Variants in SEMA3D observed in about 807,000 individuals in gnomAD.
The protein encoded by SEMA3D is semaphorin 3D.
SEMA3D carries 84 observed loss-of-function variants against 100.1 expected under a neutral mutation model. The observed-to-expected ratio is 0.84, with a 90% confidence interval of 0.70 to 1.01. SEMA3D has a LOEUF of 1.01. Ranked by LOEUF, SEMA3D falls within the 50% of genes least tolerant of loss-of-function variation. SEMA3D has a pLI of 0.00. For synonymous variants in SEMA3D, 312 were observed against 320.7 expected (o/e 0.97, Z 0.29); for missense variants, 875 against 934.1 (o/e 0.94, Z 0.82).
intron 3 of SEMA3D, among the ~76,000 whole-genome samples, chr7:85,115,186 T>C (rs1483480213): frequency 6.6e-6 from 1 of 152,202 alleles, no homozygotes; most frequent in Non-Finnish European, 1.5e-5. Context: ...GAAATACTTA[T>C]GTCTACAGTG....
chr7:85,012,790 A>G lies in SEMA3D; in HGVS notation c.1760T>C (p.Ile587Thr). The G allele has an allele frequency of 6.2e-7, 1 of 1,609,710 alleles. No individual in the cohort carries two copies. Among genetic ancestry groups the G allele is most frequent in the Non-Finnish European group, 8.5e-7 (1 of 1,176,856 alleles). ...ATCAGAGCTGTACTTACTGTCTTCG[A>G]TGTCCCAGCACTGGGTGATTGGGTC... is the stretch of plus-strand genomic sequence containing the variant. ...YGDPITQCWD[I>T]EDSISHETAD... The change falls in exon 17 of 19, where the codon ATC (isoleucine) becomes ACC (threonine). Residue 587 changes from isoleucine to threonine, a missense_variant. Physicochemically the swap from Ile to Thr is moderately conservative, Grantham distance 89 (BLOSUM62 -1). Coordinates refer to ENST00000284136, the MANE Select transcript of SEMA3D (RefSeq NM_001384900.1).
intron 6 of SEMA3D, among the ~76,000 whole-genome samples, chr7:85,072,600 A>G (rs763691261): frequency 1.3e-5 from 2 of 152,214 alleles, no homozygotes; most frequent in Non-Finnish European, 2.9e-5. Flanking sequence ...GCTAAAAACA[A>G]CTTTTAATAG....
intron 9 of SEMA3D, among the ~76,000 whole-genome samples, chr7:85,054,268 T>C (rs1028773412): frequency 6.6e-6 from 1 of 152,054 alleles, no homozygotes; most frequent in African/African-American, 2.4e-5. Context: ...AAGTGACTCT[T>C]GAAATTCATT....
chr7:84,997,605 T>C lies in SEMA3D; in HGVS notation c.*1835A>G, dbSNP rs1344178143. 6.6e-6 allele frequency: 1 copy of C among 152,254 alleles called. No individual in the cohort carries two copies. Among genetic ancestry groups the C allele is most frequent in the African/African-American group, 2.4e-5 (1 of 41,428 alleles). The allele number at this position is 152,254 out of a possible 1,614,324, so 9.4% of individuals were successfully genotyped here. On this transcript the variant is annotated 3_prime_UTR_variant, in exon 19 of 19. Transcript: ENST00000284136. ...ATATATCAGTTTGACTACTTTGAGA[T>C]AGGTAAGCAATGCAAATAAAATAAA...
chr7:85,210,916 T>C, the SEMA3D span, among the ~76,000 whole-genome samples: 3 of 152,054 alleles, frequency 2.0e-5, no homozygotes, highest in Admixed American at 2.0e-4. Context: ...TATTCATGTA[T>C]TAATGTATCA....
At position 85,089,933 on chromosome 7, in the gene SEMA3D, C is replaced by A. The variant is rs375476148; in HGVS notation, c.312+7872G>T. On this transcript the variant is annotated intron_variant, in intron 4 of 18. Transcript: ENST00000284136. Reference sequence around the variant, plus strand: ...AAAAAACACCTACAAATATGTATTGCATGAAAGAGAGAGAAATGCTAATAT... The same window carrying A: ...AAAAAACACCTACAAATATGTATTGAATGAAAGAGAGAGAAATGCTAATAT... Among the ~76,000 whole-genome samples the A allele has an allele frequency of 5.9e-5, 9 of 152,114 alleles. No individual in the cohort carries two copies. The South Asian group carries it at 8.3e-4, about 14-fold the overall frequency.
Position 84,999,767 on chromosome 7 carries a change from C to T in SEMA3D, c.2007G>A (p.Glu669=), listed in dbSNP as rs1789605005. Reference sequence around the variant, plus strand: ...TCACTATGGTGTGGATGAAAGTGTGCTCCTGGGCTTTGCAGTAATACATCC... The same window carrying T: ...TCACTATGGTGTGGATGAAAGTGTGTTCCTGGGCTTTGCAGTAATACATCC... The part of the protein sequence containing the change: ...DSGMYYCKAQ[E]HTFIHTIVKL... Residue 669 remains glutamate (E), a synonymous_variant, in exon 19 of 19, where the codon GAG becomes GAA. Coordinates refer to ENST00000284136, the MANE Select transcript of SEMA3D (RefSeq NM_001384900.1). 1 of 1,614,020 alleles carries T rather than the reference C, an allele frequency of 6.2e-7. No individual in the cohort carries two copies. Among genetic ancestry groups the T allele is most frequent in the African/African-American group, 1.3e-5 (1 of 75,042 alleles).
Position 85,042,195 on chromosome 7 carries a change from C to T in SEMA3D, c.952G>A (p.Ala318Thr). Residue 318 changes from alanine to threonine, a missense_variant, in exon 10 of 19, where the codon GCA (alanine) becomes ACA (threonine). Transcript: ENST00000284136. ...CGAAGCTCATCAAAGTAAGTATCTG[C>T]CCCATCACTTCCAGGAATTGAGCAA... ...LICSIPGSDG[A>T]DTYFDELQDI... 6.2e-7 allele frequency: 1 copy of T among 1,612,722 alleles called. No individual in the cohort carries two copies. Among genetic ancestry groups the T allele is most frequent in the Non-Finnish European group, 8.5e-7 (1 of 1,178,886 alleles).
chr7:84,999,917 A>G (rs1789611677), intron 18 of SEMA3D, 52 bp from the exon 19 acceptor site: 1 of 1,465,182 alleles, frequency 6.8e-7, no homozygotes, highest in Non-Finnish European at 9.4e-7. Context: ...GAGAGCTAAG[A>G]GCAAATGAAA....
At chr7:85,241,493 G>A in the SEMA3D span, among the ~76,000 whole-genome samples, 65 of 72,080 alleles carry the variant, frequency 9.0e-4, 1 homozygote, top group African/African-American at 4.1e-3. Flanking sequence ...ATATATATAT[G>A]AATACTACTC....
chr7:85,058,365 A>G (rs1791380698), intron 8 of SEMA3D, among the ~76,000 whole-genome samples: 1 of 152,164 alleles, frequency 6.6e-6, no homozygotes, highest in Non-Finnish European at 1.5e-5. Context: ...GTAAATCACG[A>G]ATACTTGGTT....
chr7:85,168,821 G>GAA (rs1790992540), intron 1 of SEMA3D, among the ~76,000 whole-genome samples: 1 of 7,898 alleles, frequency 1.3e-4, no homozygotes, highest in Admixed American at 1.7e-3. Flanking sequence ...AAAGAAAGAT[G>GAA]AAAGAAAGAA....
chr7:85,110,381 A>T (rs1464148142), intron 3 of SEMA3D, among the ~76,000 whole-genome samples: 2 of 151,954 alleles, frequency 1.3e-5, no homozygotes, highest in East Asian at 3.9e-4. Flanking sequence ...TTTTTAAATT[A>T]TCTACTTATG....
At chr7:85,112,671 TA>T (rs1382735789) in intron 3 of SEMA3D, among the ~76,000 whole-genome samples, 1 of 152,092 alleles carries the variant, frequency 6.6e-6, no homozygotes, top group Non-Finnish European at 1.5e-5. Flanking sequence ...ATCTTATCTA[TA>T]AAATAGGTAT....
chr7:85,120,251 T>A (rs984803262), intron 3 of SEMA3D, among the ~76,000 whole-genome samples: 3 of 152,168 alleles, frequency 2.0e-5, no homozygotes, highest in Non-Finnish European at 4.4e-5. Context: ...TGTTTTTAAT[T>A]TATAGCCTAA....
intron 5 of SEMA3D, among the ~76,000 whole-genome samples, chr7:85,077,332 A>T (rs1037586758): frequency 6.6e-6 from 1 of 152,068 alleles, no homozygotes; most frequent in Non-Finnish European, 1.5e-5. Flanking sequence ...AAGGTAACTG[A>T]TAAAGTGATA....
intron 4 of SEMA3D, among the ~76,000 whole-genome samples, chr7:85,096,780 T>C (rs1788567664): frequency 6.6e-6 from 1 of 151,882 alleles, no homozygotes; most frequent in Admixed American, 6.6e-5. Flanking sequence ...ATTGAACAAC[T>C]GATATTTGGC....
the SEMA3D span, among the ~76,000 whole-genome samples, chr7:85,242,551 T>C: frequency 6.6e-6 from 1 of 152,174 alleles, no homozygotes; most frequent in Non-Finnish European, 1.5e-5. Context: ...GCAAACATTG[T>C]TGTTTAGTGG....
At chr7:85,003,010 C>T (rs1438981693) in intron 18 of SEMA3D, among the ~76,000 whole-genome samples, 1 of 151,962 alleles carries the variant, frequency 6.6e-6, no homozygotes, top group Non-Finnish European at 1.5e-5. Context: ...CTTTCTCTAA[C>T]AAACACAAAA....
Sources: allele counts gnomAD v4.1 joint callset (sites outside exome capture counted in the v4.1 genomes callset), GRCh38; gene constraint gnomAD v4.1.1; transcripts MANE v1.5; gene names NCBI Gene and HGNC (gene_info 2026-07-23, HGNC 2026-07-21).